The following MAD1L1 variants were observed in gnomAD, a reference collection of about 807,000 sequenced individuals.
The protein encoded by MAD1L1 is mitotic arrest deficient 1 like 1, also known as mitotic spindle assembly checkpoint protein MAD1.
MAD1L1 carries 95 observed loss-of-function variants against 96.9 expected under a neutral mutation model. The observed-to-expected ratio is 0.98, with a 90% CI of 0.83 to 1.16. The LOEUF (loss-of-function observed/expected upper bound fraction) is 1.16. Ranked by LOEUF, MAD1L1 falls within the 50% of genes most tolerant of loss-of-function variation. The probability of loss-of-function intolerance (pLI) is 0.00; values close to 1 mark genes in which losing one functional copy is unlikely to be tolerated. For synonymous variants in MAD1L1, 473 were observed against 396.6 expected, an observed-to-expected ratio of 1.19 and a Z score of -2.29; for missense variants, 1,007 against 954.4, an observed-to-expected ratio of 1.06 and a Z score of -0.73.
intron 18 of MAD1L1, among the ~76,000 whole-genome samples, chr7:1,888,184 GTGCA>G (rs1786263650): frequency 1.3e-5 from 2 of 150,386 alleles, no homozygotes; most frequent in South Asian, 2.1e-4. Flanking sequence ...CTGTGCGTGT[GTGCA>G]TGCATGTATG....
intron 15 of MAD1L1, among the ~76,000 whole-genome samples, chr7:1,976,048 G>C (rs575706663): frequency 1.3e-5 from 2 of 152,186 alleles, no homozygotes; most frequent in African/African-American, 4.8e-5. Flanking sequence ...CCCCACCGAC[G>C]CTCTCTCTAG....
intron 15 of MAD1L1, among the ~76,000 whole-genome samples, chr7:1,965,309 G>A (rs1780117212): frequency 6.6e-6 from 1 of 152,224 alleles, no homozygotes; most frequent in Admixed American, 6.5e-5. Flanking sequence ...CATAAAGAGA[G>A]CACGTGACAA....
At chr7:2,018,283 C>T (rs981701826) in intron 12 of MAD1L1, among the ~76,000 whole-genome samples, 4 of 152,356 alleles carry the variant, frequency 2.6e-5, no homozygotes, top group East Asian at 1.9e-4. Flanking sequence ...GGGCAGAGAA[C>T]GCCTCAGCCT....
intron 10 of MAD1L1, among the ~76,000 whole-genome samples, chr7:2,186,143 C>T (rs921571147): frequency 5.9e-5 from 9 of 152,164 alleles, no homozygotes; most frequent in African/African-American, 1.9e-4. Context: ...AATTTTGGAA[C>T]GTAATTTGGC....
At position 1,863,175 on chromosome 7, in the gene MAD1L1, G is replaced by A. The variant is rs149235575; in HGVS notation, c.1998+35025C>T. ...CTGAGCGCACGAGGAGGCCGCCTCA[G>A]CACGGGCTGAAGACCTCACTCCTTC... On this transcript the variant is annotated intron_variant, in intron 18 of 18. Transcript: ENST00000265854. Among the ~76,000 whole-genome samples, 9 of 152,412 alleles carry A rather than the reference G, an allele frequency of 5.9e-5. No homozygotes were observed. In the East Asian group the frequency reaches 1.5e-3, roughly 26 times the overall value.
At chr7:2,016,172 C>G (rs369884806) in intron 12 of MAD1L1, among the ~76,000 whole-genome samples, 1 of 152,192 alleles carries the variant, frequency 6.6e-6, no homozygotes, top group Non-Finnish European at 1.5e-5. Flanking sequence ...AGAGCCAGGA[C>G]CTCACAAACC....
intron 11 of MAD1L1, among the ~76,000 whole-genome samples, chr7:2,141,902 G>A (rs1789053103): frequency 6.6e-6 from 1 of 152,214 alleles, no homozygotes; most frequent in Admixed American, 6.5e-5. Context: ...GAAGAGAGGG[G>A]GACTGAGAAC....
intron 12 of MAD1L1, among the ~76,000 whole-genome samples, chr7:2,060,968 A>G (rs572161948): frequency 6.6e-6 from 1 of 152,374 alleles, no homozygotes; most frequent in South Asian, 2.1e-4. Context: ...CGAGAAGATA[A>G]CTAAATACGT....
intron 15 of MAD1L1, among the ~76,000 whole-genome samples, chr7:1,966,126 GC>G (rs1175354660): frequency 6.6e-6 from 1 of 152,266 alleles, no homozygotes; most frequent in African/African-American, 2.4e-5. Flanking sequence ...CCAGGCCAAG[GC>G]CAGGAGCGCT....
At chr7:2,156,845 GAAAAGGA>G (rs1562738318) in intron 10 of MAD1L1, among the ~76,000 whole-genome samples, 3 of 149,906 alleles carry the variant, frequency 2.0e-5, no homozygotes, top group African/African-American at 7.4e-5. Context: ...AAGAAAGAAA[GAAAAGGA>G]AAAGAAAAGA....
At chr7:2,152,891 G>A (rs998990130) in intron 10 of MAD1L1, among the ~76,000 whole-genome samples, 25 of 152,148 alleles carry the variant, frequency 1.6e-4, no homozygotes, top group African/African-American at 2.4e-4. Context: ...CCGTGGAGGC[G>A]GTGTCTGGAT....
intron 10 of MAD1L1, among the ~76,000 whole-genome samples, chr7:2,162,636 A>G (rs185483994): frequency 6.6e-6 from 1 of 151,252 alleles, no homozygotes; most frequent in Non-Finnish European, 1.5e-5. Context: ...GGTAAATGAT[A>G]TCTTAAAAAA....
intron 10 of MAD1L1, among the ~76,000 whole-genome samples, chr7:2,193,680 G>A (rs943446341): frequency 2.0e-5 from 3 of 152,190 alleles, no homozygotes; most frequent in Non-Finnish European, 4.4e-5. Context: ...ACACGGCCGC[G>A]GGTAACTCCA....
At chr7:2,030,777 G>T (rs1208625579) in intron 12 of MAD1L1, among the ~76,000 whole-genome samples, 1 of 152,206 alleles carries the variant, frequency 6.6e-6, no homozygotes, top group African/African-American at 2.4e-5. Flanking sequence ...GGGTTTCCGG[G>T]GCCCCGTGGG....
At chr7:2,217,927 G>A (rs1160023729) in intron 7 of MAD1L1, 35 bp downstream of exon 7, 1 of 1,564,738 alleles carries the variant, frequency 6.4e-7, no homozygotes, top group Non-Finnish European at 8.8e-7. Flanking sequence ...GCCACCACAG[G>A]GATGTCCACA....
chr7:2,133,092 G>A (rs1386230112), intron 11 of MAD1L1, among the ~76,000 whole-genome samples: 2 of 150,692 alleles, frequency 1.3e-5, no homozygotes, highest in Non-Finnish European at 3.0e-5. Flanking sequence ...TCACCCACGT[G>A]TCTGCTTTGG....
intron 12 of MAD1L1, among the ~76,000 whole-genome samples, chr7:2,018,226 A>C (rs1052031036): frequency 2.0e-5 from 3 of 152,176 alleles, no homozygotes; most frequent in South Asian, 4.1e-4. Flanking sequence ...ACCTTGGGAA[A>C]AACAAAGAGC....
In MAD1L1 at chr7:2,099,236, G is replaced by A. The variant is rs559156395; in HGVS notation, c.1074-29898C>T. On this transcript the variant is annotated intron_variant, in intron 11 of 18. Coordinates refer to ENST00000265854, the MANE Select transcript of MAD1L1 (RefSeq NM_001013836.2). ...GCCAGGTCAACATGCAGCAGCCACA[G>A]CCTGTCTCACCTGGACCCACAGCCC... 6.6e-5 allele frequency among the ~76,000 whole-genome samples: 10 copies of A among 152,324 alleles called. No homozygotes were observed. In the East Asian group the frequency reaches 1.9e-3, roughly 29 times the overall value.
At chr7:2,055,094 A>G (rs1784333126) in intron 12 of MAD1L1, among the ~76,000 whole-genome samples, 1 of 152,234 alleles carries the variant, frequency 6.6e-6, no homozygotes, top group South Asian at 2.1e-4. Context: ...GAGACAGAGG[A>G]AGCGGGGCCA....
Sources: gnomAD v4.1 joint callset for allele counts (sites outside exome capture counted in the v4.1 genomes callset) on GRCh38, gnomAD v4.1.1 for gene constraint, MANE v1.5 for transcripts, NCBI Gene and HGNC (gene_info 2026-07-23, HGNC 2026-07-21) for gene names.